The following HS2ST1 variants were observed in gnomAD, a reference collection of about 807,000 sequenced individuals.
The protein encoded by HS2ST1 is 2-O-sulfotransferase.
HS2ST1 carries 18 observed loss-of-function variants against 42.9 expected under a neutral mutation model. The observed-to-expected ratio is 0.42, with a 90% CI of 0.29 to 0.62. HS2ST1 has a LOEUF of 0.62. Ranked by LOEUF, HS2ST1 falls within the 20% of genes least tolerant of loss-of-function variation. HS2ST1 has a pLI of 0.21. For synonymous variants in HS2ST1, 146 were observed against 152.9 expected, an observed-to-expected ratio of 0.95 and a Z score of 0.33; for missense variants, 334 against 433.8, an observed-to-expected ratio of 0.77 and a Z score of 2.04.
chr1:87,095,387 A>G (rs1205905221), intron 4 of HS2ST1, among the ~76,000 whole-genome samples: 1 of 152,186 alleles, frequency 6.6e-6, no homozygotes, highest in African/African-American at 2.4e-5. Context: ...ACTTATGGCA[A>G]CTATTATGTT....
At chr1:87,010,580 A>G (rs1649569756) in intron 1 of HS2ST1, among the ~76,000 whole-genome samples, 2 of 152,154 alleles carry the variant, frequency 1.3e-5, no homozygotes. Flanking sequence ...GTAACAAATT[A>G]AACATTTTTA....
rs201679399 is a variant in HS2ST1 at position 87,047,621 on chromosome 1, TA to T, written c.125-25306del. Among the ~76,000 whole-genome samples the T allele has an allele frequency of 4.6e-3, 703 of 152,254 alleles. 4 individuals carry two copies. The highest frequency in any genetic ancestry group is 0.02 in the Middle Eastern group (6 of 294). On this transcript the variant is annotated intron_variant, in intron 1 of 6. Transcript: ENST00000370550. ...AATGAAGAAAGAATGAAGATTCCCT[TA>T]AAAAAATGGCTATCCAGTTGTTCCC...
intron 1 of HS2ST1, among the ~76,000 whole-genome samples, chr1:87,053,823 A>G (rs1557529637): frequency 6.6e-6 from 1 of 152,232 alleles, no homozygotes; most frequent in Non-Finnish European, 1.5e-5. Flanking sequence ...TATTGCACAT[A>G]TGTTATAGGT....
At chr1:86,981,329 C>A (rs1159597065) in intron 1 of HS2ST1, among the ~76,000 whole-genome samples, 1 of 152,124 alleles carries the variant, frequency 6.6e-6, no homozygotes, top group Non-Finnish European at 1.5e-5. Flanking sequence ...AATCTCATGT[C>A]CTTCTCACAT....
chr1:86,971,376 A>G (rs1648230313), intron 1 of HS2ST1, among the ~76,000 whole-genome samples: 1 of 152,194 alleles, frequency 6.6e-6, no homozygotes, highest in Non-Finnish European at 1.5e-5. Context: ...GCATCCTTCC[A>G]GTCTTTCCAA....
intron 1 of HS2ST1, among the ~76,000 whole-genome samples, chr1:87,021,981 T>C (rs1649965418): frequency 6.6e-6 from 1 of 152,252 alleles, no homozygotes; most frequent in Admixed American, 6.5e-5. Context: ...AGTAACACAG[T>C]ATTGTACTTT....
chr1:86,915,779 C>T (rs1268505068), intron 1 of HS2ST1, among the ~76,000 whole-genome samples: 1 of 152,176 alleles, frequency 6.6e-6, no homozygotes, highest in Non-Finnish European at 1.5e-5. Context: ...TGCAAAGCTT[C>T]ATCGGAGTAC....
rs552178617 is a variant in HS2ST1 at position 86,958,038 on chromosome 1, C to G, written c.124+42878C>G. Among the ~76,000 whole-genome samples the G allele has an allele frequency of 1.5e-4, 23 of 152,212 alleles. No individual in the cohort carries two copies. The South Asian group carries it at 4.4e-3, about 29-fold the overall frequency. ...GAACTCCTGACCACGGTGATCCACC[C>G]GCCTCGGCCTCCCAAAGTGCTGGGA... On this transcript the variant is annotated intron_variant, in intron 1 of 6. Coordinates refer to ENST00000370550, the MANE Select transcript of HS2ST1 (RefSeq NM_012262.4).
At chr1:87,050,280 T>C (rs1462627300) in intron 1 of HS2ST1, among the ~76,000 whole-genome samples, 2 of 152,040 alleles carry the variant, frequency 1.3e-5, no homozygotes, top group African/African-American at 4.8e-5. Context: ...ATGTTAGTAA[T>C]TATAAATTAA....
chr1:87,016,618 CAATAT>C (rs778202029), intron 1 of HS2ST1, among the ~76,000 whole-genome samples: 5 of 152,136 alleles, frequency 3.3e-5, no homozygotes, highest in Non-Finnish European at 5.9e-5. Context: ...GGAATAGCAT[CAATAT>C]AATATAGAAG....
intron 1 of HS2ST1, among the ~76,000 whole-genome samples, chr1:86,923,504 C>A (rs1053060500): frequency 6.6e-6 from 1 of 151,580 alleles, no homozygotes; most frequent in Non-Finnish European, 1.5e-5. Context: ...TCACGCCATT[C>A]TCCTGCCTCA....
intron 1 of HS2ST1, among the ~76,000 whole-genome samples, chr1:86,919,085 C>T (rs534657816): frequency 2.0e-5 from 3 of 151,932 alleles, no homozygotes; most frequent in Admixed American, 1.3e-4. Context: ...GCGGGGATTG[C>T]AGGTACGTGC....
chr1:87,037,311 A>G (rs951853550), intron 1 of HS2ST1, among the ~76,000 whole-genome samples: 113 of 18,430 alleles, frequency 6.1e-3, no homozygotes, highest in African/African-American at 9.1e-3. Flanking sequence ...TATGAGTTGG[A>G]TAACTATTAT....
chr1:86,917,518 CA>C (rs5775926), intron 1 of HS2ST1, among the ~76,000 whole-genome samples: 40 of 131,452 alleles, frequency 3.0e-4, no homozygotes, highest in Non-Finnish European at 2.6e-4. Context: ...GACTCAGTCT[CA>C]AAAAAAAAAA....
intron 1 of HS2ST1, among the ~76,000 whole-genome samples, chr1:87,024,406 C>T: frequency 6.6e-6 from 1 of 151,354 alleles, no homozygotes; most frequent in South Asian, 2.1e-4. Context: ...GAGGCTGAGG[C>T]AGGAGAATCT....
At chr1:86,919,132 A>T (rs755220593) in intron 1 of HS2ST1, among the ~76,000 whole-genome samples, 23 of 151,812 alleles carry the variant, frequency 1.5e-4, no homozygotes, top group Admixed American at 3.3e-4. Context: ...TTTAGTAGAG[A>T]CAGGGTTTCA....
chr1:87,022,884 C>G (rs1247218633), intron 1 of HS2ST1, among the ~76,000 whole-genome samples: 1 of 152,104 alleles, frequency 6.6e-6, no homozygotes, highest in African/African-American at 2.4e-5. Flanking sequence ...GGGTTGGAAA[C>G]TTGTAACAAT....
At chr1:87,014,354 T>C (rs985975186) in intron 1 of HS2ST1, among the ~76,000 whole-genome samples, 2 of 152,120 alleles carry the variant, frequency 1.3e-5, no homozygotes, top group Admixed American at 6.5e-5. Context: ...ATAAAACCAT[T>C]AGATCTTGTG....
chr1:87,106,461 A>G lies in HS2ST1; in HGVS notation c.*1765A>G, dbSNP rs1652326353. On this transcript the variant is annotated 3_prime_UTR_variant, in exon 7 of 7. Transcript: ENST00000370550. ...TTCTATACCTATGGTTTAAGTAAAT[A>G]TTTCTGAATAAGGCTTCACCATACT... The G allele has an allele frequency of 6.6e-6, 1 of 152,062 alleles. No individual in the cohort carries two copies. The highest frequency in any genetic ancestry group is 2.4e-5 in the African/African-American group (1 of 41,446). The allele number at this position is 152,062 out of a possible 1,614,324, so 9.4% of individuals were successfully genotyped here.
Sources: gnomAD v4.1 joint callset for allele counts (sites outside exome capture counted in the v4.1 genomes callset) on GRCh38, gnomAD v4.1.1 for gene constraint, MANE v1.5 for transcripts, NCBI Gene and HGNC (gene_info 2026-07-23, HGNC 2026-07-21) for gene names.